Variants in GSTCD observed in about 807,000 individuals in gnomAD.
GSTCD encodes the protein glutathione S-transferase C-terminal domain containing.
GSTCD carries 44 observed loss-of-function variants against 68.3 expected under a neutral mutation model. The observed-to-expected ratio is 0.64, with a 90% CI of 0.51 to 0.83. The LOEUF is 0.83. GSTCD is among the 40% of genes least tolerant of loss of function. The pLI is 0.00. For missense variants in GSTCD, 739 were observed against 735.9 expected (o/e 1.00, Z -0.05); for synonymous variants, 273 against 255.2 (o/e 1.07, Z -0.67).
At chr4:105,727,385 G>A (rs1733076496) in intron 4 of GSTCD, among the ~76,000 whole-genome samples, 1 of 151,938 alleles carries the variant, frequency 6.6e-6, no homozygotes, top group Non-Finnish European at 1.5e-5. Flanking sequence ...TTAGCTGGGT[G>A]TGGTGGCACG....
At chr4:105,790,948 C>A (rs1483104747) in intron 5 of GSTCD, among the ~76,000 whole-genome samples, 2 of 151,926 alleles carry the variant, frequency 1.3e-5, no homozygotes, top group Admixed American at 1.3e-4. Flanking sequence ...TAATATATAT[C>A]TAGCAAACAA....
At chr4:105,825,550 C>T in intron 7 of GSTCD, 122 bp from the exon 8 acceptor site, 1 of 552,658 alleles carries the variant, frequency 1.8e-6, no homozygotes, top group Middle Eastern at 5.3e-4. Flanking sequence ...CTTCCTGCCA[C>T]AGAATAGAGG....
intron 4 of GSTCD, among the ~76,000 whole-genome samples, chr4:105,727,450 G>A (rs922624782): frequency 2.0e-5 from 3 of 151,518 alleles, no homozygotes; most frequent in East Asian, 3.9e-4. Flanking sequence ...CTTGAACTTC[G>A]GAGGGCGGAG....
At chr4:105,737,145 C>G (rs1378357236) in intron 5 of GSTCD, among the ~76,000 whole-genome samples, 1 of 152,114 alleles carries the variant, frequency 6.6e-6, no homozygotes, top group East Asian at 1.9e-4. Flanking sequence ...GTTCTAATTT[C>G]ATTTTTGAGA....
chr4:105,837,218 T>G (rs547905394), intron 9 of GSTCD, among the ~76,000 whole-genome samples: 4 of 152,278 alleles, frequency 2.6e-5, no homozygotes, highest in South Asian at 4.1e-4. Flanking sequence ...ATAAGTAAAC[T>G]CACCAACCCA....
intron 5 of GSTCD, among the ~76,000 whole-genome samples, chr4:105,743,896 G>A (rs939029127): frequency 7.2e-5 from 11 of 151,872 alleles, no homozygotes; most frequent in East Asian, 3.9e-4. Flanking sequence ...TCCTGACCTC[G>A]TGATCGCCCG....
intron 5 of GSTCD, among the ~76,000 whole-genome samples, chr4:105,731,581 TC>T (rs1327363033): frequency 2.0e-5 from 3 of 152,232 alleles, no homozygotes; most frequent in Non-Finnish European, 4.4e-5. Flanking sequence ...TGATTTTGTA[TC>T]CTGTGACTTT....
chr4:105,821,877 T>A (rs1179203654), intron 5 of GSTCD, among the ~76,000 whole-genome samples: 1 of 151,870 alleles, frequency 6.6e-6, no homozygotes, highest in Non-Finnish European at 1.5e-5. Context: ...TATAGTTTTT[T>A]ATTTACATTT....
chr4:105,792,149 C>G (rs1735701107), intron 5 of GSTCD, among the ~76,000 whole-genome samples: 2 of 151,952 alleles, frequency 1.3e-5, no homozygotes, highest in African/African-American at 2.4e-5. Context: ...ATTACAGCAA[C>G]TACTAAAAAT....
At chr4:105,749,659 A>G (rs10017387) in intron 5 of GSTCD, among the ~76,000 whole-genome samples, 2 of 151,994 alleles carry the variant, frequency 1.3e-5, no homozygotes, top group South Asian at 2.1e-4. Flanking sequence ...TATTAAAGTT[A>G]ACCCAAAATA....
chr4:105,732,880 G>C (rs1371424920), intron 5 of GSTCD, among the ~76,000 whole-genome samples: 3 of 152,104 alleles, frequency 2.0e-5, no homozygotes, highest in Non-Finnish European at 4.4e-5. Context: ...CAGAGATTCT[G>C]TTATGTTGTG....
intron 5 of GSTCD, among the ~76,000 whole-genome samples, chr4:105,796,595 T>A (rs1490752768): frequency 3.3e-5 from 5 of 152,232 alleles, no homozygotes; most frequent in African/African-American, 1.2e-4. Flanking sequence ...TCATGTTTTC[T>A]TACTGTCTTT....
At chr4:105,839,694 G>A (rs894102896) in intron 10 of GSTCD, among the ~76,000 whole-genome samples, 2 of 151,976 alleles carry the variant, frequency 1.3e-5, no homozygotes, top group African/African-American at 2.4e-5. Context: ...GAAAAGAAAG[G>A]AAAAGGAAAG....
At chr4:105,750,597 A>C (rs1733980431) in intron 5 of GSTCD, among the ~76,000 whole-genome samples, 1 of 152,236 alleles carries the variant, frequency 6.6e-6, no homozygotes, top group Non-Finnish European at 1.5e-5. Context: ...AGTTTCTTAC[A>C]AAACTGAACA....
In GSTCD at chr4:105,823,397, G is replaced by A. The variant is rs901562235; in HGVS notation, c.1401+122G>A. 79 of 678,214 alleles carry A rather than the reference G, an allele frequency of 1.2e-4. No homozygotes were observed. The African/African-American group carries it at 1.4e-3, about 12-fold the overall frequency. The allele number at this position is 678,214 out of a possible 1,614,324, so 42.0% of individuals were successfully genotyped here. On this transcript the variant is annotated intron_variant, in intron 7 of 11. Coordinates refer to ENST00000515279, the MANE Select transcript of GSTCD (RefSeq NM_001370181.1). ...CACCCAAGTCAAATATGTGGCACAG[G>A]CATTGTCTTTTCTTTGAAATAAACT...
chr4:105,731,970 G>T (rs960252011), intron 5 of GSTCD, among the ~76,000 whole-genome samples: 1 of 152,066 alleles, frequency 6.6e-6, no homozygotes, highest in African/African-American at 2.4e-5. Flanking sequence ...TTTGTCTTTG[G>T]TTCTGTTTAT....
chr4:105,793,992 G>A (rs1201603494), intron 5 of GSTCD, among the ~76,000 whole-genome samples: 15 of 151,962 alleles, frequency 9.9e-5, no homozygotes, highest in Admixed American at 9.8e-4. Context: ...GTGAAACTGT[G>A]GGTTGATTTG....
chr4:105,722,026 A>G (rs1280490605), intron 3 of GSTCD, among the ~76,000 whole-genome samples: 1 of 152,168 alleles, frequency 6.6e-6, no homozygotes, highest in African/African-American at 2.4e-5. Flanking sequence ...AAGCAAGTAC[A>G]CTTTGACAGA....
At chr4:105,842,771 A>C (rs920558877) in intron 11 of GSTCD, among the ~76,000 whole-genome samples, 1 of 152,184 alleles carries the variant, frequency 6.6e-6, no homozygotes, top group South Asian at 2.1e-4. Flanking sequence ...AAATATACAT[A>C]TGGGGTAGGT....
Sources: gnomAD v4.1 joint callset for allele counts (sites outside exome capture counted in the v4.1 genomes callset) on GRCh38, gnomAD v4.1.1 for gene constraint, MANE v1.5 for transcripts, NCBI Gene and HGNC (gene_info 2026-07-23, HGNC 2026-07-21) for gene names.